Variants in RGS3 observed in about 807,000 individuals in gnomAD.
RGS3 encodes the protein regulator of G-protein signalling 3.
In RGS3, 80 loss-of-function variants were observed where a neutral mutation model predicts 132.6. That is an observed-to-expected ratio of 0.60 (90% CI 0.50 to 0.73). The LOEUF (loss-of-function observed/expected upper bound fraction) is 0.73. RGS3 is among the 30% of genes least tolerant of loss of function. RGS3 has a pLI of 0.00. For synonymous variants in RGS3, 598 were observed against 620.6 expected (o/e 0.96, Z 0.54); for missense variants, 1,382 against 1,530.8 (o/e 0.90, Z 1.62).
At chr9:113,553,452 AAAAAAAAATATATATAT>A (rs1447534073) in intron 19 of RGS3, among the ~76,000 whole-genome samples, 4 of 108,794 alleles carry the variant, frequency 3.7e-5, no homozygotes, top group African/African-American at 1.5e-4. Flanking sequence ...AAAAAAAAAA[AAAAAAAAATATATATAT>A]ATATATATAT....
At position 113,529,220 on chromosome 9, in the gene RGS3, G is replaced by T; in HGVS notation, c.1871-1G>T. ...AAATCTTACTTTTTGTTCCCTCAAA[G>T]GTTCTTCAGAAGACCTGAAATTCTG... is the stretch of plus-strand genomic sequence containing the variant. On this transcript the variant is annotated splice_acceptor_variant, in intron 17 of 24. Coordinates refer to ENST00000350696, the Ensembl canonical transcript of RGS3. LOFTEE classifies it high-confidence loss of function. The T allele has an allele frequency of 6.2e-7, 1 of 1,612,814 alleles. No individual in the cohort carries two copies. The highest frequency in any genetic ancestry group is 8.5e-7 in the Non-Finnish European group (1 of 1,178,770).
intron 16 of RGS3, among the ~76,000 whole-genome samples, chr9:113,519,992 C>G (rs1223164592): frequency 6.6e-6 from 1 of 152,182 alleles, no homozygotes; most frequent in Non-Finnish European, 1.5e-5. Context: ...TTACCATTAA[C>G]TAAGGCACCA....
intron 15 of RGS3, among the ~76,000 whole-genome samples, chr9:113,515,524 G>C (rs556317737): frequency 2.9e-4 from 44 of 152,130 alleles, no homozygotes; most frequent in African/African-American, 1.0e-3. Context: ...CCAGCTATTC[G>C]GGAGGCTGAG....
chr9:113,482,898 G>A, intron 4 of RGS3, 161 bp from the exon 3 acceptor site: 2 of 1,482,164 alleles, frequency 1.3e-6, no homozygotes, highest in Non-Finnish European at 1.8e-6. Flanking sequence ...GCAGATTAAG[G>A]GCCTAGTAGC....
rs1378383923 is a variant in RGS3 at position 113,595,680 on chromosome 9, TC to T, written c.3327del (p.Phe1109LeufsTer86). 2 of 1,614,110 alleles carry T rather than the reference TC, an allele frequency of 1.2e-6. No homozygotes were observed. The highest frequency in any genetic ancestry group is 1.7e-6 in the Non-Finnish European group (2 of 1,179,990). On this transcript the variant is annotated frameshift_variant, in exon 24 of 25. Transcript: ENST00000350696. LOFTEE classifies it high-confidence loss of function. ...GAGTTCTGGTTGGCTTGTGAGGACT[TC>T]AAGAAGGTCAAGTCACAGTCCAAGA...
chr9:113,475,260 G>T (rs1442196132), intron 3 of RGS3, among the ~76,000 whole-genome samples: 1 of 152,158 alleles, frequency 6.6e-6, no homozygotes, highest in Admixed American at 6.5e-5. Context: ...CATGGGAACA[G>T]GGGACATGCC....
At chr9:113,470,945 T>G (rs1214569272) in intron 3 of RGS3, among the ~76,000 whole-genome samples, 1 of 152,090 alleles carries the variant, frequency 6.6e-6, no homozygotes, top group Admixed American at 6.6e-5. Flanking sequence ...AGCCTGGGTG[T>G]CAGAGTGAGA....
At position 113,482,938 on chromosome 9, in the gene RGS3, C is replaced by T. The variant is rs759204101; in HGVS notation, c.467-121C>T. 5.6e-5 allele frequency: 87 copies of T among 1,563,792 alleles called. 1 individual carries two copies. The highest frequency in any genetic ancestry group is 5.3e-4 in the Admixed American group (28 of 52,402). On this transcript the variant is annotated intron_variant, in intron 4 of 24. Transcript: ENST00000350696. ...GCCATAGCCCTGCTACTCACAGATA[C>T]GCTTTTCTTTTCAGGTCTCTTTATT...
intron 16 of RGS3, among the ~76,000 whole-genome samples, chr9:113,520,695 T>C (rs550561617): frequency 1.3e-5 from 2 of 152,204 alleles, no homozygotes; most frequent in East Asian, 3.9e-4. Context: ...GGGTTTGCTT[T>C]GTGTTTCTGG....
chr9:113,478,964 A>G (rs1162307756), intron 3 of RGS3: 1 of 160,982 alleles, frequency 6.2e-6, no homozygotes, highest in Non-Finnish European at 1.4e-5. Context: ...ATTGATGAAC[A>G]TTTCAGGTGT....
intron 19 of RGS3, among the ~76,000 whole-genome samples, chr9:113,558,787 C>T (rs1304262284): frequency 6.6e-6 from 1 of 152,216 alleles, no homozygotes; most frequent in Non-Finnish European, 1.5e-5. Flanking sequence ...TCAGTGAGAC[C>T]AGTCCACTCA....
intron 18 of RGS3, 23 bp from the exon 17 acceptor site, chr9:113,536,773 T>C (rs1313240431): frequency 6.2e-7 from 1 of 1,610,138 alleles, no homozygotes; most frequent in African/African-American, 1.3e-5. Context: ...GACCGTCCGT[T>C]TCTCTATTTT....
chr9:113,488,036 T>C (rs1042528259), intron 7 of RGS3, among the ~76,000 whole-genome samples: 4 of 152,162 alleles, frequency 2.6e-5, no homozygotes, highest in Admixed American at 2.0e-4. Flanking sequence ...AGCCAGGGAA[T>C]GATGGATGCA....
chr9:113,476,711 C>A (rs1390022628), intron 3 of RGS3, among the ~76,000 whole-genome samples: 2 of 152,258 alleles, frequency 1.3e-5, no homozygotes, highest in African/African-American at 4.8e-5. Context: ...CTGTCCTAGC[C>A]ACTGGGCTGT....
At chr9:113,495,075 A>G (rs941302518) in intron 7 of RGS3, among the ~76,000 whole-genome samples, 7 of 151,570 alleles carry the variant, frequency 4.6e-5, no homozygotes, top group African/African-American at 1.7e-4. Context: ...GGGTTTCACC[A>G]TGTTGGCCAG....
chr9:113,498,066 G>A, exon 10 of RGS3: 1 of 1,613,984 alleles, frequency 6.2e-7, no homozygotes. Flanking sequence ...CACTGAGAAT[G>A]GGAAGAAACT....
intron 3 of RGS3, among the ~76,000 whole-genome samples, chr9:113,472,924 C>T (rs1829879241): frequency 6.6e-6 from 1 of 151,958 alleles, no homozygotes; most frequent in South Asian, 2.1e-4. Context: ...GCCTGTAATC[C>T]CAGCTACTCA....
intron 19 of RGS3, chr9:113,541,846 C>T (rs985588454): frequency 9.1e-6 from 9 of 989,898 alleles, no homozygotes; most frequent in African/African-American, 7.0e-5. Context: ...ACTCATTTTC[C>T]ACCTGTACAC....
intron 19 of RGS3, among the ~76,000 whole-genome samples, chr9:113,548,934 C>A (rs1833221782): frequency 1.3e-5 from 2 of 152,244 alleles, no homozygotes; most frequent in African/African-American, 4.8e-5. Flanking sequence ...GCTGGCCCAC[C>A]CTGAGCCCTG....
Sources: gnomAD v4.1 joint callset for allele counts (sites outside exome capture counted in the v4.1 genomes callset) on GRCh38, gnomAD v4.1.1 for gene constraint, MANE v1.5 for transcripts, NCBI Gene and HGNC (gene_info 2026-07-23, HGNC 2026-07-21) for gene names.